PBK: variants seen among roughly 807,000 people sequenced by gnomAD.
PBK encodes lymphokine-activated killer T-cell-originated protein kinase.
In PBK, 22 loss-of-function variants were observed where a neutral mutation model predicts 33.5. That is an observed-to-expected ratio of 0.66 (90% confidence interval 0.47 to 0.94). The LOEUF (loss-of-function observed/expected upper bound fraction) is 0.94, where lower values mean the gene tolerates loss of function less well. PBK is among the 40% of genes least tolerant of loss of function. PBK has a pLI of 0.00. For synonymous variants in PBK, 129 were observed against 123.8 expected (o/e 1.04, Z -0.28); for missense variants, 376 against 383.4 (o/e 0.98, Z 0.16).
At chr8:27,826,166 GAAAA>G (rs575395960) in intron 3 of PBK, among the ~76,000 whole-genome samples, 1 of 151,512 alleles carries the variant, frequency 6.6e-6, no homozygotes. Flanking sequence ...GTGTAAGCTA[GAAAA>G]AAAACAATGT....
chr8:27,815,677 G>A, intron 6 of PBK, among the ~76,000 whole-genome samples: 1 of 152,154 alleles, frequency 6.6e-6, no homozygotes, highest in East Asian at 1.9e-4. Flanking sequence ...AGGCTAAAAA[G>A]TAGTTTTCTA....
At position 27,836,060 on chromosome 8, in the gene PBK, T is replaced by C. The variant is rs550543525; in HGVS notation, c.-21+1592A>G. Among the ~76,000 whole-genome samples, 8 of 152,268 alleles carry C rather than the reference T, an allele frequency of 5.3e-5. No individual in the cohort carries two copies. The East Asian group carries it at 1.5e-3, about 29-fold the overall frequency. Reference sequence around the variant, plus strand: ...AACATATACTATTTCAGGGGAAATATATATCAGTGAAGGGAGCAGAAGGCC... The same window carrying C: ...AACATATACTATTTCAGGGGAAATACATATCAGTGAAGGGAGCAGAAGGCC... On this transcript the variant is annotated intron_variant, in intron 1 of 7. Coordinates refer to ENST00000301905, the MANE Select transcript of PBK (RefSeq NM_018492.4).
At chr8:27,821,929 T>C (rs1805937177) in intron 5 of PBK, among the ~76,000 whole-genome samples, 1 of 152,214 alleles carries the variant, frequency 6.6e-6, no homozygotes, top group Non-Finnish European at 1.5e-5. Flanking sequence ...AGTCACACAG[T>C]ACTTACCACT....
At chr8:27,835,924 CAATGTGCTCTAACAGTG>C (rs1359687567) in intron 1 of PBK, among the ~76,000 whole-genome samples, 1 of 980 alleles carries the variant, frequency 1.0e-3, no homozygotes, top group African/African-American at 2.3e-3. Context: ...TGAGCACATA[CAATGTGCTCTAACAGTG>C]CACTGTTCGA....
At chr8:27,831,476 A>G (rs908531395) in intron 2 of PBK, among the ~76,000 whole-genome samples, 2 of 152,234 alleles carry the variant, frequency 1.3e-5, no homozygotes, top group Admixed American at 6.5e-5. Context: ...TCCACATTGT[A>G]GTTGGAAACT....
intron 5 of PBK, among the ~76,000 whole-genome samples, chr8:27,820,987 C>G (rs952325129): frequency 6.6e-6 from 1 of 151,728 alleles, no homozygotes; most frequent in East Asian, 2.0e-4. Flanking sequence ...CCACACCTGG[C>G]TAATTTTTGT....
intron 3 of PBK, among the ~76,000 whole-genome samples, 187 bp from the exon 4 acceptor site, chr8:27,823,392 T>C (rs1805968003): frequency 6.6e-6 from 1 of 152,004 alleles, no homozygotes. Flanking sequence ...TCTAATATAC[T>C]AAAACAAGTC....
intron 2 of PBK, 127 bp downstream of exon 2, chr8:27,832,929 A>G: frequency 1.7e-6 from 1 of 602,406 alleles, no homozygotes. Flanking sequence ...TAAGATTAAC[A>G]TCATAAAGGG....
At chr8:27,831,244 T>C (rs1806123733) in intron 2 of PBK, among the ~76,000 whole-genome samples, 1 of 151,730 alleles carries the variant, frequency 6.6e-6, no homozygotes, top group Non-Finnish European at 1.5e-5. Context: ...TCCCAGCTAC[T>C]CCAGAGGCCA....
intron 6 of PBK, among the ~76,000 whole-genome samples, chr8:27,816,845 G>A (rs929968774): frequency 3.3e-5 from 5 of 151,664 alleles, no homozygotes; most frequent in East Asian, 1.9e-4. Context: ...ATATAAACCC[G>A]TATAATTTAT....
chr8:27,836,043 C>T (rs1000291889), intron 1 of PBK, among the ~76,000 whole-genome samples: 4 of 152,202 alleles, frequency 2.6e-5, no homozygotes, highest in African/African-American at 9.7e-5. Context: ...TAAACATATA[C>T]TATTTCAGGG....
At chr8:27,834,013 A>G (rs1479968369) in intron 1 of PBK, among the ~76,000 whole-genome samples, 2 of 151,134 alleles carry the variant, frequency 1.3e-5, no homozygotes, top group South Asian at 2.1e-4. Context: ...CATAAAGGCT[A>G]CATATATGAT....
rs55973425 is a variant in PBK, at chr8:27,828,146, C to T, written c.111G>A (p.Lys37=). ...INIPASPFMQ[K]LGFGTGVNVY... ...CATTTACCCCAGTACCAAAGCCAAGCTTCTGCATAAACGGAGAGGCCGGGA... is the reference window on the plus strand; with the variant it reads ...CATTTACCCCAGTACCAAAGCCAAGTTTCTGCATAAACGGAGAGGCCGGGA... Residue 37 remains lysine, a synonymous_variant, in exon 3 of 8, where the codon AAG becomes AAA. Transcript: ENST00000301905. 2.8e-3 allele frequency: 4,386 copies of T among 1,590,050 alleles called. 12 individuals carry two copies. The highest frequency in any genetic ancestry group is 3.5e-3 in the Non-Finnish European group (4,029 of 1,159,714).
Position 27,813,919 on chromosome 8 carries a change from T to C in PBK, c.596-2785A>G, listed in dbSNP as rs551125647. ...ATTGGACTATGATTTTTTTTTCTTA[T>C]CAGTTTATTTTTCTGTGTACATAGC... is the stretch of plus-strand genomic sequence containing the variant. On this transcript the variant is annotated intron_variant, in intron 6 of 7. Coordinates refer to ENST00000301905, the MANE Select transcript of PBK (RefSeq NM_018492.4). 6.6e-4 allele frequency among the ~76,000 whole-genome samples: 98 copies of C among 148,528 alleles called. 1 individual carries two copies. Among genetic ancestry groups the C allele is most frequent in the Non-Finnish European group, 1.3e-3 (87 of 67,310 alleles).
In PBK at chr8:27,829,347, T is replaced by G. The variant is rs185595889; in HGVS notation, c.59-1149A>C. Among the ~76,000 whole-genome samples, 180 of 152,212 alleles carry G rather than the reference T, an allele frequency of 1.2e-3. 1 individual carries two copies. The highest frequency in any genetic ancestry group is 3.4e-3 in the Middle Eastern group (1 of 294). On this transcript the variant is annotated intron_variant, in intron 2 of 7. Coordinates refer to ENST00000301905, the MANE Select transcript of PBK (RefSeq NM_018492.4). ...CCTCTAAAGGGTCACAACTAGATAG[T>G]ACAGCTAAAGTTTAGCCCCAGATAA...
chr8:27,810,030 C>A lies in PBK; in HGVS notation c.*275G>T. ...TCATTCAATTTAATGTTACAGTTTA[C>A]AGCGTTTTACTGCTAGTGTTTTAAG... On this transcript the variant is annotated 3_prime_UTR_variant, in exon 8 of 8. Coordinates refer to ENST00000301905, the MANE Select transcript of PBK (RefSeq NM_018492.4). 2.7e-6 allele frequency: 1 copy of A among 368,518 alleles called. No homozygotes were observed. Among genetic ancestry groups the A allele is most frequent in the Non-Finnish European group, 4.9e-6 (1 of 205,504 alleles). 22.8% of individuals were successfully genotyped at this position (368,518 alleles called of 1,614,324 possible).
intron 3 of PBK, among the ~76,000 whole-genome samples, chr8:27,823,769 C>T (rs1805974735): frequency 6.6e-6 from 1 of 151,960 alleles, no homozygotes; most frequent in Non-Finnish European, 1.5e-5. Flanking sequence ...AAATTTTAAA[C>T]TTTCTATTTT....
At chr8:27,821,795 A>G (rs1246697358) in intron 5 of PBK, among the ~76,000 whole-genome samples, 2 of 152,230 alleles carry the variant, frequency 1.3e-5, no homozygotes, top group Non-Finnish European at 2.9e-5. Flanking sequence ...GGGACAATGA[A>G]TGACTAGGGC....
intron 1 of PBK, 115 bp from the exon 2 acceptor site, chr8:27,833,248 T>C (rs944845246): frequency 9.3e-6 from 5 of 539,860 alleles, no homozygotes; most frequent in African/African-American, 3.9e-5. Flanking sequence ...TCCCAGCACT[T>C]TGGGAGGCTG....
Sources: allele counts gnomAD v4.1 joint callset (sites outside exome capture counted in the v4.1 genomes callset), GRCh38; gene constraint gnomAD v4.1.1; transcripts MANE v1.5; gene names NCBI Gene and HGNC (gene_info 2026-07-23, HGNC 2026-07-21).